TRPC6: variants seen among roughly 807,000 people sequenced by gnomAD.
The protein encoded by TRPC6 is transient receptor potential cation channel subfamily C member 6.
Under a neutral mutation model 90.7 loss-of-function variants are expected in TRPC6, and 55 were observed. The observed-to-expected ratio is 0.61, with a 90% CI of 0.49 to 0.76. The LOEUF (loss-of-function observed/expected upper bound fraction) is 0.76. TRPC6 is among the 30% of genes least tolerant of loss of function. The pLI, the probability that TRPC6 is intolerant of heterozygous loss-of-function variation, is 0.00. For synonymous variants in TRPC6, 393 were observed against 393.0 expected (o/e 1.00, Z 0.00); for missense variants, 989 against 1,122.7 (o/e 0.88, Z 1.70).
intron 1 of TRPC6, among the ~76,000 whole-genome samples, chr11:101,566,068 A>G (rs1214891176): frequency 1.3e-5 from 2 of 148,530 alleles, no homozygotes; most frequent in Admixed American, 1.4e-4. Context: ...AAGAAGTGAC[A>G]TGAGGATAAT....
At chr11:101,562,301 G>C (rs1414349750) in intron 1 of TRPC6, among the ~76,000 whole-genome samples, 1 of 152,136 alleles carries the variant, frequency 6.6e-6, no homozygotes, top group Non-Finnish European at 1.5e-5. Context: ...AGTGGGACTT[G>C]CAAGGATTTA....
intron 1 of TRPC6, among the ~76,000 whole-genome samples, chr11:101,571,646 A>T (rs568637207): frequency 6.6e-6 from 1 of 152,234 alleles, no homozygotes; most frequent in Non-Finnish European, 1.5e-5. Context: ...TAACCAAAAC[A>T]GCATGGTACT....
chr11:101,531,195 G>A (rs757181960), intron 1 of TRPC6, among the ~76,000 whole-genome samples: 15 of 152,070 alleles, frequency 9.9e-5, no homozygotes, highest in South Asian at 2.1e-4. Context: ...TCATCATGTC[G>A]TATACCTTGA....
intron 1 of TRPC6, among the ~76,000 whole-genome samples, chr11:101,574,805 C>G (rs985221302): frequency 6.6e-6 from 1 of 152,142 alleles, no homozygotes; most frequent in Middle Eastern, 3.2e-3. Context: ...TTTTAAGTTA[C>G]CTTTAGAAAT....
At chr11:101,563,622 T>C (rs566592760) in intron 1 of TRPC6, among the ~76,000 whole-genome samples, 3 of 152,260 alleles carry the variant, frequency 2.0e-5, no homozygotes, top group African/African-American at 7.2e-5. Context: ...ATTTAATTTA[T>C]AAATTTTAAA....
At chr11:101,463,784 G>A (rs1859066832) in intron 10 of TRPC6, among the ~76,000 whole-genome samples, 1 of 152,036 alleles carries the variant, frequency 6.6e-6, no homozygotes, top group Non-Finnish European at 1.5e-5. Flanking sequence ...TTTTTGAAGG[G>A]TTTTTAGTGT....
chr11:101,559,241 G>A (rs1415204763), intron 1 of TRPC6, among the ~76,000 whole-genome samples: 2 of 148,516 alleles, frequency 1.3e-5, no homozygotes, highest in African/African-American at 5.2e-5. Flanking sequence ...AATGGCCAGA[G>A]ATATTTTAAA....
rs1472333430 is a variant in TRPC6, at chr11:101,491,692, C to A, written c.992G>T (p.Gly331Val). Residue 331 changes from glycine (G) to valine (V), a missense_variant, in exon 3 of 13, where the codon GGA becomes GTA. This residue lies in a region of TRPC6 where 486 missense variants were observed against 591.9 expected (regional missense o/e 0.82). Transcript: ENST00000344327. ...LSMQCKDFVVGLLDLCRNTEE... is the reference protein window; with the variant it reads ...LSMQCKDFVVVLLDLCRNTEE... ...AGTGTTTCTGCACAGATCAAGGAGT[C>A]CAACAACAAAGTCTTTGCACTGCAT... The A allele has an allele frequency of 1.2e-6, 2 of 1,613,842 alleles. No homozygotes were observed. The highest frequency in any genetic ancestry group is 1.7e-6 in the Non-Finnish European group (2 of 1,179,982).
intron 1 of TRPC6, among the ~76,000 whole-genome samples, chr11:101,572,541 A>C (rs1210633731): frequency 2.0e-5 from 3 of 152,230 alleles, no homozygotes; most frequent in South Asian, 2.1e-4. Context: ...TCATTCTGCT[A>C]TAAAGACACA....
intron 1 of TRPC6, among the ~76,000 whole-genome samples, chr11:101,576,556 C>A (rs570072381): frequency 6.6e-6 from 1 of 152,280 alleles, no homozygotes; most frequent in South Asian, 2.1e-4. Context: ...TTAATTGAAA[C>A]TTGGCATATG....
chr11:101,466,264 GC>G (rs1859143121), intron 10 of TRPC6, among the ~76,000 whole-genome samples: 1 of 152,192 alleles, frequency 6.6e-6, no homozygotes, highest in Non-Finnish European at 1.5e-5. Context: ...TCTTTTCAGA[GC>G]CGCCAGGCAG....
chr11:101,515,086 A>G (rs942890233), intron 1 of TRPC6, among the ~76,000 whole-genome samples: 7 of 152,206 alleles, frequency 4.6e-5, no homozygotes, highest in African/African-American at 1.7e-4. Context: ...TGATTTGTGG[A>G]ATTCTGCTTA....
chr11:101,567,863 G>A (rs958727872), intron 1 of TRPC6, among the ~76,000 whole-genome samples: 1 of 152,168 alleles, frequency 6.6e-6, no homozygotes, highest in African/African-American at 2.4e-5. Context: ...CCCTTCCAAA[G>A]GTCATGGACT....
chr11:101,583,633 G>C lies in TRPC6; in HGVS notation c.-130C>G. 1.9e-6 allele frequency: 2 copies of C among 1,061,578 alleles called. No individual in the cohort carries two copies. The highest frequency in any genetic ancestry group is 2.5e-6 in the Non-Finnish European group (2 of 793,376). The allele number at this position is 1,061,578 out of a possible 1,614,324, so 65.8% of individuals were successfully genotyped here. On this transcript the variant is annotated 5_prime_UTR_variant, in exon 1 of 13. Transcript: ENST00000344327. ...CTGGGCAGACCGGTGCCCAGGGGAC[G>C]ACGGTGAAGCAGGGGGTGCAGACGC...
chr11:101,550,796 A>G (rs1861432448), intron 1 of TRPC6, among the ~76,000 whole-genome samples: 1 of 151,766 alleles, frequency 6.6e-6, no homozygotes, highest in African/African-American at 2.4e-5. Flanking sequence ...CAAATGTAGT[A>G]CTTTGAAATA....
At chr11:101,457,181 T>C (rs1363305131) in intron 10 of TRPC6, among the ~76,000 whole-genome samples, 2 of 152,156 alleles carry the variant, frequency 1.3e-5, no homozygotes, top group African/African-American at 4.8e-5. Context: ...AGGTTGGAAG[T>C]GGGAAGCTTG....
chr11:101,462,102 T>A (rs1334466835), intron 10 of TRPC6, among the ~76,000 whole-genome samples: 2 of 152,188 alleles, frequency 1.3e-5, no homozygotes, highest in Non-Finnish European at 2.9e-5. Flanking sequence ...TTTGTCAGGT[T>A]TATCAAAGAT....
intron 1 of TRPC6, among the ~76,000 whole-genome samples, chr11:101,563,174 A>G (rs1861752305): frequency 6.6e-6 from 1 of 152,218 alleles, no homozygotes; most frequent in Admixed American, 6.5e-5. Context: ...TACATTGGGC[A>G]GAGCAGATAA....
At chr11:101,478,613 T>C (rs1253259847) in intron 5 of TRPC6, among the ~76,000 whole-genome samples, 2 of 152,096 alleles carry the variant, frequency 1.3e-5, no homozygotes, top group African/African-American at 2.4e-5. Context: ...TCGTGTCTCA[T>C]TTGTCCTGAG....
Sources: gnomAD v4.1 joint callset for allele counts (sites outside exome capture counted in the v4.1 genomes callset) on GRCh38, gnomAD v4.1.1 for gene constraint, gnomAD v4.1.1 regional missense constraint, MANE v1.5 for transcripts, NCBI Gene and HGNC (gene_info 2026-07-23, HGNC 2026-07-21) for gene names.